TTN: variants seen among roughly 807,000 people sequenced by gnomAD.
The protein encoded by TTN is connectin.
Under a neutral mutation model 3,223.0 loss-of-function variants are expected in TTN, and 1,525 were observed. The observed-to-expected ratio is 0.47, with a 90% confidence interval of 0.45 to 0.49. The LOEUF is 0.49. Among genes scored for constraint, TTN ranks in the 20% least tolerant of loss-of-function variants. The pLI is 0.00. For synonymous variants in TTN, 14,094 were observed against 15,161.0 expected (o/e 0.93, Z 5.17); for missense variants, 40,786 against 43,424.0 (o/e 0.94, Z 5.40).
chr2:178,701,320 CA>C (rs2074938095), intron 110 of TTN, 117 bp from the exon 111 acceptor site: 1 of 1,058,062 alleles, frequency 9.5e-7, no homozygotes, highest in Non-Finnish European at 1.4e-6. Flanking sequence ...ACGAATTCAT[CA>C]GTCGGAACAA....
Position 178,734,363 on chromosome 2 carries a change from C to A in TTN, c.15461G>T (p.Gly5154Val). 6.2e-7 allele frequency: 1 copy of A among 1,606,184 alleles called. No individual in the cohort carries two copies. The highest frequency in any genetic ancestry group is 8.5e-7 in the Non-Finnish European group (1 of 1,174,784). Residue 5154 changes from glycine to valine, a missense_variant, in exon 52 of 363, where the codon GGC becomes GTC. Physicochemically the swap from Gly to Val is moderately radical, Grantham distance 109. Transcript: ENST00000589042. ...GTGGGTTGCCATGCAGCCACACTTG[C>A]CGACTTCATTAGCAACAACACATTC... ...EYECVVANEV[G>V]KCGCMATHLL...
chr2:178,750,637 G>A (rs533540386), intron 47 of TTN: 46 of 1,612,672 alleles, frequency 2.9e-5, no homozygotes, highest in East Asian at 1.3e-4. Flanking sequence ...CCTTCTGTTC[G>A]GTTTTGAATT....
chr2:178,704,819 C>A, intron 104 of TTN, 42 bp from the exon 105 acceptor site: 1 of 1,608,404 alleles, frequency 6.2e-7, no homozygotes, highest in South Asian at 1.1e-5. Context: ...TACTCCTTCC[C>A]TTATAATAAT....
chr2:178,780,265 T>TA, intron 21 of TTN, 60 bp from the exon 22 acceptor site: 1 of 1,453,912 alleles, frequency 6.9e-7, no homozygotes, highest in Non-Finnish European at 9.6e-7. Flanking sequence ...GTCATACCAC[T>TA]ATGCATTCAG....
intron 160 of TTN, 35 bp from the exon 161 acceptor site, chr2:178,667,560 G>A (rs1446151608): frequency 6.3e-7 from 1 of 1,580,354 alleles, no homozygotes; most frequent in African/African-American, 1.4e-5. Context: ...ATTTATAAAT[G>A]GTGAAGAAAA....
Position 178,602,568 on chromosome 2 carries a change from G to T in TTN, c.54834C>A (p.Cys18278Ter). 6.5e-7 allele frequency: 1 copy of T among 1,546,318 alleles called. No individual in the cohort carries two copies. The highest frequency in any genetic ancestry group is 2.1e-5 in the Admixed American group (1 of 47,718). Residue 18278 changes from cysteine (C) to a stop codon, truncating the protein, a stop_gained, in exon 283 of 363, where the codon TGC becomes TGA. Coordinates refer to ENST00000589042, the MANE Select transcript of TTN (RefSeq NM_001267550.2). LOFTEE classifies it high-confidence loss of function. ...ACTTCGTTTTATCTTTAACTTCTGGGCAAGAAGGTGGCCCCGGTGGAACTA... is the reference window on the plus strand; with the variant it reads ...ACTTCGTTTTATCTTTAACTTCTGGTCAAGAAGGTGGCCCCGGTGGAACTA... ...DPIFPPGPPS[C>*]PEVKDKTKSS...
At position 178,741,425 on chromosome 2, in the gene TTN, A is replaced by G. The variant is rs764865773; in HGVS notation, c.11808T>C (p.Cys3936=). Residue 3936 remains cysteine (C), a synonymous_variant, in exon 48 of 363, where the codon TGT becomes TGC. Coordinates refer to ENST00000589042, the MANE Select transcript of TTN (RefSeq NM_001267550.2). ...AKSLEKLGGP[C]PPHFLKELKP... ...TTAACTCCTTAAGGAAGTGAGGAGGACAAGGACCTCCCAGCTTTTCCAGAG... is the reference window on the plus strand; with the variant it reads ...TTAACTCCTTAAGGAAGTGAGGAGGGCAAGGACCTCCCAGCTTTTCCAGAG... 12 of 1,613,930 alleles carry G rather than the reference A, an allele frequency of 7.4e-6. No individual in the cohort carries two copies. In the Admixed American group the frequency reaches 2.0e-4, roughly 27 times the overall value.
intron 240 of TTN, among the ~76,000 whole-genome samples, chr2:178,627,353 A>T (rs1167841707): frequency 5.3e-5 from 8 of 151,992 alleles, no homozygotes; most frequent in Non-Finnish European, 1.2e-4. Flanking sequence ...TTGAAGGCGA[A>T]AATTTTTACA....
At position 178,759,014 on chromosome 2, in the gene TTN, C is replaced by T. The variant is rs879184037; in HGVS notation, c.10273G>A (p.Val3425Ile). 1.9e-6 allele frequency: 3 copies of T among 1,613,894 alleles called. No individual in the cohort carries two copies. Among genetic ancestry groups the T allele is most frequent in the Non-Finnish European group, 2.5e-6 (3 of 1,179,940 alleles). The change falls in exon 44 of 363, where the codon GTA (valine) becomes ATA (isoleucine). Residue 3425 changes from valine to isoleucine, a missense_variant. Transcript: ENST00000589042. ...TFVASNAVGQ[V>I]SSTANLSLEG... ...AGACTCAGGTTGGCTGTGCTTGATA[C>T]TTGGCCTACAGCATTACTAGCAACA...
intron 160 of TTN, 47 bp from the exon 161 acceptor site, chr2:178,667,572 T>C (rs1340551739): frequency 3.2e-6 from 5 of 1,581,772 alleles, no homozygotes; most frequent in Non-Finnish European, 4.3e-6. Flanking sequence ...TGAAGAAAAA[T>C]ATTGAGCTTT....
chr2:178,585,466 T>A, intron 308 of TTN, 119 bp from the exon 309 acceptor site: 1 of 1,103,030 alleles, frequency 9.1e-7, no homozygotes, highest in Non-Finnish European at 1.3e-6. Context: ...ATATATACTT[T>A]AAGTTCTGGG....
At position 178,587,253 on chromosome 2, in the gene TTN, C is replaced by A. The variant is rs1391961296; in HGVS notation, c.63958G>T (p.Val21320Phe). The change falls in exon 307 of 363, where the codon GTT (valine) becomes TTT (phenylalanine). Residue 21320 changes from valine (V) to phenylalanine (F), a missense_variant. By Grantham distance (50) the Val-to-Phe change is conservative. Coordinates refer to ENST00000589042, the MANE Select transcript of TTN (RefSeq NM_001267550.2). ...GTTACATGGAAGCTTGTTTTCTTAA[C>A]TTCTGGGGTAACGGTCGACCATGTC... ...RKTWSTVTPE[V>F]KKTSFHVTNL... 6.2e-7 allele frequency: 1 copy of A among 1,613,068 alleles called. No homozygotes were observed. Among genetic ancestry groups the A allele is most frequent in the Non-Finnish European group, 8.5e-7 (1 of 1,179,476 alleles).
rs2073237813 is a variant in TTN at position 178,694,600 on chromosome 2, T to A, written c.31425A>T (p.Lys10475Asn). Residue 10475 changes from lysine to asparagine, a missense_variant and splice_region_variant, in exon 117 of 363, where the codon AAA becomes AAT. Physicochemically the swap from Lys to Asn is moderately conservative, Grantham distance 94. Transcript: ENST00000589042. ...TPVQEEVIEVKVPAVHTKKMV... is the reference protein window; with the variant it reads ...TPVQEEVIEVNVPAVHTKKMV... ...TAGCTGAAACACAAAGATGTATACC[T>A]TTCACTTCAATAACTTCTTCCTGTA... 4 of 1,553,448 alleles carry A rather than the reference T, an allele frequency of 2.6e-6. No homozygotes were observed. The highest frequency in any genetic ancestry group is 3.5e-6 in the Non-Finnish European group (4 of 1,147,388).
In TTN at chr2:178,620,355, G is replaced by T. The variant is rs1194841721; in HGVS notation, c.46166C>A (p.Ala15389Asp). The T allele has an allele frequency of 3.1e-6, 5 of 1,606,148 alleles. No homozygotes were observed. The highest frequency in any genetic ancestry group is 3.4e-5 in the Admixed American group (2 of 59,366). The part of the protein sequence containing the change: ...KSVAELLIIE[A>D]PTEFVEHLED... ...CAAGTGTTCCACAAATTCTGTCGGG[G>T]CTTCTATGATGAGAAGCTCAGCAAC... The change falls in exon 248 of 363, where the codon GCC becomes GAC. Residue 15389 changes from alanine to aspartate, a missense_variant. Ala to Asp is a moderately radical substitution (Grantham distance 126). Coordinates refer to ENST00000589042, the MANE Select transcript of TTN (RefSeq NM_001267550.2).
chr2:178,793,301 C>G, intron 9 of TTN, 103 bp downstream of exon 9: 1 of 1,496,704 alleles, frequency 6.7e-7, no homozygotes, highest in South Asian at 1.3e-5. Context: ...AGTATGCTAA[C>G]AACCATGTGG....
chr2:178,589,965 G>T lies in TTN; in HGVS notation c.61760C>A (p.Thr20587Lys), dbSNP rs757267029. Residue 20587 changes from threonine (T) to lysine (K), a missense_variant, in exon 304 of 363, where the codon ACA becomes AAA. Transcript: ENST00000589042. Reference protein sequence around the residue: ...KVTNVTKENCTISWENPLDNG... With the variant: ...KVTNVTKENCKISWENPLDNG... ...ATCTAGTGGGTTTTCCCAAGAAATT[G>T]TACAGTTCTCTTTGGTTACATTGGT... 1.9e-6 allele frequency: 3 copies of T among 1,613,168 alleles called. No homozygotes were observed. The highest frequency in any genetic ancestry group is 1.1e-5 in the South Asian group (1 of 91,060).
Position 178,709,712 on chromosome 2 carries a change from G to A in TTN, c.28607C>T (p.Pro9536Leu). 2 of 1,613,886 alleles carry A rather than the reference G, an allele frequency of 1.2e-6. No individual in the cohort carries two copies. The highest frequency in any genetic ancestry group is 1.7e-6 in the Non-Finnish European group (2 of 1,179,828). The stretch of plus-strand genomic sequence containing the variant: ...GAATGTTATTTCACAGTTAGAAGTT[G>A]GTTGTATCTCTATATTATTTTTGTA... The part of the protein sequence containing the change: ...AWYKNNIEIQ[P>L]TSNCEITFKN... The change falls in exon 99 of 363, where the codon CCA becomes CTA. Residue 9536 changes from proline to leucine, a missense_variant. By Grantham distance (98) the Pro-to-Leu change is moderately conservative. Coordinates refer to ENST00000589042, the MANE Select transcript of TTN (RefSeq NM_001267550.2).
At chr2:178,719,140 G>T (rs376050756) in intron 83 of TTN, 24 bp downstream of exon 83, 7 of 1,591,436 alleles carry the variant, frequency 4.4e-6, no homozygotes, top group Non-Finnish European at 5.1e-6. Context: ...TAGAGAAGCA[G>T]CAGCTTTATC....
Position 178,735,561 on chromosome 2 carries a change from G to A in TTN, c.14885C>T (p.Ala4962Val). The A allele has an allele frequency of 1.9e-6, 3 of 1,609,068 alleles. No individual in the cohort carries two copies. Among genetic ancestry groups the A allele is most frequent in the Non-Finnish European group, 2.5e-6 (3 of 1,178,458 alleles). Residue 4962 changes from alanine to valine, a missense_variant, in exon 50 of 363, where the codon GCT (alanine) becomes GTT (valine). Ala to Val is a moderately conservative substitution (Grantham distance 64, BLOSUM62 0). Coordinates refer to ENST00000589042, the MANE Select transcript of TTN (RefSeq NM_001267550.2). Reference protein sequence around the residue: ...LKDSGTYVCTASNEAGSSSCS... With the variant: ...LKDSGTYVCTVSNEAGSSSCS... ...GGAGCTGCTTCCAGCCTCATTTGAA[G>A]CTGTACAGACATAGGTTCCTGAATC... is the stretch of plus-strand genomic sequence containing the variant.
Sources: gnomAD v4.1 joint callset for allele counts (sites outside exome capture counted in the v4.1 genomes callset) on GRCh38, gnomAD v4.1.1 for gene constraint, MANE v1.5 for transcripts, NCBI Gene and HGNC (gene_info 2026-07-23, HGNC 2026-07-21) for gene names.